HDX: variants seen among roughly 807,000 people sequenced by gnomAD.
HDX encodes chromosome X open reading frame 43.
A neutral mutation model predicts 45.2 loss-of-function variants in HDX; 19 were observed. The ratio of observed to expected loss-of-function variants is 0.42; its 90% CI spans 0.29 to 0.62. HDX has a LOEUF of 0.62. HDX is among the 20% of genes least tolerant of loss of function. The pLI, the probability that HDX is intolerant of heterozygous loss-of-function variation, is 0.20. For missense variants in HDX, 532 were observed against 493.9 expected, an observed-to-expected ratio of 1.08 and a Z score of -0.73; for synonymous variants, 188 against 172.8, an observed-to-expected ratio of 1.09 and a Z score of -0.69.
intron 3 of HDX, among the ~76,000 whole-genome samples, chrX:84,474,507 A>G (rs1771984537): frequency 9.0e-6 from 1 of 111,676 alleles, no homozygotes; most frequent in Non-Finnish European, 1.9e-5. Context: ...TCTCTTTCCT[A>G]AATTAGCCTA....
intron 6 of HDX, among the ~76,000 whole-genome samples, chrX:84,358,320 C>T (rs1204867155): frequency 9.0e-6 from 1 of 111,016 alleles, no homozygotes; most frequent in East Asian, 2.9e-4. Flanking sequence ...TTCTACAGAA[C>T]TTGACTTCCT....
intron 4 of HDX, among the ~76,000 whole-genome samples, chrX:84,465,765 C>A (rs1459347942): frequency 1.8e-5 from 2 of 111,161 alleles, no homozygotes; most frequent in Admixed American, 9.6e-5. Flanking sequence ...CAGATGTATA[C>A]CTATGTAACA....
chrX:84,468,901 G>A lies in HDX; in HGVS notation c.822C>T (p.Pro274=), dbSNP rs1191826618. 3 of 1,209,341 alleles carry A rather than the reference G, an allele frequency of 2.5e-6. No homozygotes were observed. The African/African-American group carries it at 5.3e-5, about 21-fold the overall frequency. The change falls in exon 4 of 11, where the codon CCC becomes CCT. Residue 274 remains proline (P), a synonymous_variant. Coordinates refer to ENST00000373177, the MANE Select transcript of HDX (RefSeq NM_001177479.2). The part of the protein sequence containing the change: ...EVFSLAVSDY[P]QRILGGNAPQ... ...GGGCATTTCCTCCCAGAATTCTCTGGGGGTAATCGCTAACTGCCAATGAAA... is the reference window on the plus strand; with the variant it reads ...GGGCATTTCCTCCCAGAATTCTCTGAGGGTAATCGCTAACTGCCAATGAAA...
intron 4 of HDX, among the ~76,000 whole-genome samples, chrX:84,452,531 T>A (rs2040022895): frequency 9.9e-6 from 1 of 101,262 alleles, no homozygotes. Context: ...TCTCTTAAGC[T>A]CATTACAAAA....
chrX:84,400,087 A>G (rs1401519561), intron 5 of HDX, among the ~76,000 whole-genome samples: 1 of 110,991 alleles, frequency 9.0e-6, no homozygotes, highest in African/African-American at 3.3e-5. Context: ...CTATTTTATG[A>G]CAAACCCACA....
At chrX:84,477,465 T>TATTA (rs923965127) in intron 2 of HDX, among the ~76,000 whole-genome samples, 2 of 111,856 alleles carry the variant, frequency 1.8e-5, no homozygotes, top group African/African-American at 6.5e-5. Context: ...GATGACTGAG[T>TATTA]ATTAAACAGA....
intron 4 of HDX, among the ~76,000 whole-genome samples, chrX:84,458,283 CA>C (rs60282406): frequency 0.05 from 5,302 of 106,574 alleles, 293 homozygotes; most frequent in African/African-American, 0.16. Context: ...TTTGCACTAT[CA>C]AAAAAAAAAT....
Position 84,340,641 on chromosome X carries a change from G to A in HDX, c.1660+3609C>T, listed in dbSNP as rs111516936. On this transcript the variant is annotated intron_variant, in intron 7 of 10. Coordinates refer to ENST00000373177, the MANE Select transcript of HDX (RefSeq NM_001177479.2). ...TATGATTCACTTAATCAAACGAATC[G>A]TATTAGTATTCTCCACTAGCAAAAT... Among the ~76,000 whole-genome samples the A allele has an allele frequency of 8.3e-3, 924 of 111,127 alleles. 9 individuals carry two copies. Among genetic ancestry groups the A allele is most frequent in the African/African-American group, 0.028 (867 of 30,661 alleles).
At chrX:84,367,827 A>T (rs2037796965) in intron 5 of HDX, among the ~76,000 whole-genome samples, 2 of 111,581 alleles carry the variant, frequency 1.8e-5, no homozygotes, top group South Asian at 7.6e-4. Context: ...CAGGGAAGGG[A>T]ACATCACACC....
intron 5 of HDX, among the ~76,000 whole-genome samples, chrX:84,408,524 C>CTTTTTTTTTTT (rs2038894778): frequency 3.7e-5 from 1 of 27,161 alleles, no homozygotes; most frequent in Non-Finnish European, 7.3e-5. Flanking sequence ...TTTTTTTTTG[C>CTTTTTTTTTTT]TTACAATTCC....
intron 2 of HDX, among the ~76,000 whole-genome samples, chrX:84,478,347 T>G (rs1468245773): frequency 9.0e-6 from 1 of 111,661 alleles, no homozygotes; most frequent in Non-Finnish European, 1.9e-5. Context: ...ATTTGTTGCT[T>G]TGGAAGTACC....
chrX:84,416,238 A>G (rs2039098943), intron 5 of HDX, among the ~76,000 whole-genome samples: 1 of 111,404 alleles, frequency 9.0e-6, no homozygotes, highest in South Asian at 3.7e-4. Flanking sequence ...TATTTCTAAC[A>G]TCATCTTATC....
At chrX:84,363,918 G>A in intron 5 of HDX, among the ~76,000 whole-genome samples, 1 of 111,119 alleles carries the variant, frequency 9.0e-6, no homozygotes, top group Admixed American at 9.7e-5. Flanking sequence ...GAAAAGAGTA[G>A]TATTCCAATA....
chrX:84,492,848 G>A (rs1361353469), intron 1 of HDX, among the ~76,000 whole-genome samples: 1 of 110,901 alleles, frequency 9.0e-6, no homozygotes, highest in Admixed American at 9.6e-5. Context: ...AAATAGCATC[G>A]TGTCCACATA....
intron 5 of HDX, among the ~76,000 whole-genome samples, chrX:84,403,473 A>G (rs1440451666): frequency 9.0e-6 from 1 of 111,603 alleles, no homozygotes; most frequent in Non-Finnish European, 1.9e-5. Context: ...GACAACAAGG[A>G]ATCAGTGCCC....
At chrX:84,477,617 C>A (rs2040583119) in intron 2 of HDX, among the ~76,000 whole-genome samples, 2 of 111,647 alleles carry the variant, frequency 1.8e-5, no homozygotes, top group African/African-American at 6.5e-5. Flanking sequence ...AACTAGATGA[C>A]CCCATTTGAG....
intron 5 of HDX, among the ~76,000 whole-genome samples, chrX:84,377,432 C>G (rs988999356): frequency 9.0e-6 from 1 of 111,445 alleles, no homozygotes; most frequent in Non-Finnish European, 1.9e-5. Context: ...CCTGGAGAAG[C>G]AGAGATATGT....
intron 8 of HDX, 79 bp from the exon 9 acceptor site, chrX:84,333,921 T>TG: frequency 4.7e-6 from 2 of 428,991 alleles, no homozygotes; most frequent in Non-Finnish European, 8.3e-6. Flanking sequence ...AAATATGCAT[T>TG]CAATGTTTAG....
chrX:84,351,896 C>T (rs1312790064), intron 6 of HDX, among the ~76,000 whole-genome samples: 5 of 112,241 alleles, frequency 4.5e-5, no homozygotes, highest in South Asian at 3.7e-4. Flanking sequence ...TTTATTCCCA[C>T]GTTTCTTACG....
Sources: allele counts gnomAD v4.1 joint callset (sites outside exome capture counted in the v4.1 genomes callset), GRCh38; gene constraint gnomAD v4.1.1; transcripts MANE v1.5; gene names NCBI Gene and HGNC (gene_info 2026-07-23, HGNC 2026-07-21).